The following KIR3DL1 variants were observed in gnomAD, a reference collection of about 807,000 sequenced individuals.
KIR3DL1 encodes the protein killer cell immunoglobulin like receptor, three Ig domains and long cytoplasmic tail 1.
A neutral mutation model predicts 40.3 loss-of-function variants in KIR3DL1; 50 were observed. The ratio of observed to expected loss-of-function variants is 1.24; its 90% CI spans 0.99 to 1.57. KIR3DL1 has a LOEUF of 1.57. Ranked by LOEUF, KIR3DL1 falls within the 40% of genes most tolerant of loss-of-function variation. KIR3DL1 has a pLI of 0.00. For missense variants in KIR3DL1, 661 were observed against 559.9 expected (o/e 1.18, Z -1.82); for synonymous variants, 257 against 207.2 (o/e 1.24, Z -2.07).
exon 5 of KIR3DL1, chr19:54,821,641 T>C (rs1049209): frequency 0.2 from 320,725 of 1,608,270 alleles, 37,400 homozygotes; most frequent in East Asian, 0.45. Flanking sequence ...CCTTGTCCTG[T>C]AGCTCCCGGA....
chr19:54,817,401 C>A, intron 1 of KIR3DL1, 133 bp from the exon 2 acceptor site: 1 of 768,640 alleles, frequency 1.3e-6, no homozygotes, highest in Non-Finnish European at 2.3e-6. Context: ...TTCCTGGGGG[C>A]AGGTAGGCAG....
chr19:54,824,694 C>G (rs114258704), intron 5 of KIR3DL1, among the ~76,000 whole-genome samples: 3,063 of 150,842 alleles, frequency 0.02, 43 homozygotes, highest in African/African-American at 0.07. Context: ...ACAAAAAAAG[C>G]CATTGGATGT....
exon 5 of KIR3DL1, chr19:54,821,794 C>G: frequency 3.1e-6 from 5 of 1,605,830 alleles, no homozygotes; most frequent in Non-Finnish European, 4.3e-6. Flanking sequence ...GATGCTTCGG[C>G]TCTTTCCGTC....
chr19:54,824,088 G>C (rs1251253519), intron 5 of KIR3DL1, among the ~76,000 whole-genome samples: 1 of 151,420 alleles, frequency 6.6e-6, no homozygotes, highest in Non-Finnish European at 1.5e-5. Flanking sequence ...TGCAGAAGTT[G>C]CTTGGTTTGA....
intron 4 of KIR3DL1, among the ~76,000 whole-genome samples, chr19:54,820,453 CG>C (rs2061577990): frequency 1.3e-5 from 2 of 151,508 alleles, no homozygotes; most frequent in Non-Finnish European, 2.9e-5. Context: ...CTACAGATGC[CG>C]TGTTTATTCT....
At chr19:54,827,610 A>C (rs3117643) in intron 6 of KIR3DL1, among the ~76,000 whole-genome samples, 1 of 149,102 alleles carries the variant, frequency 6.7e-6, no homozygotes, top group Non-Finnish European at 1.5e-5. Flanking sequence ...AGGAGACTCC[A>C]TCTCAAAAAA....
intron 5 of KIR3DL1, among the ~76,000 whole-genome samples, chr19:54,822,832 G>A (rs2061704469): frequency 7.1e-6 from 1 of 140,502 alleles, no homozygotes; most frequent in Admixed American, 7.1e-5. Context: ...TTCTATGGAT[G>A]AGTAGTCTCC....
At chr19:54,823,357 A>T (rs8109574) in intron 5 of KIR3DL1, among the ~76,000 whole-genome samples, 6,337 of 151,040 alleles carry the variant, frequency 0.042, 294 homozygotes, top group East Asian at 0.091. Context: ...TTTTTAAAGA[A>T]TTTCCATACT....
In KIR3DL1 at chr19:54,823,020, A is replaced by G. The variant is rs1178889031; in HGVS notation, c.949+1162A>G. Among the ~76,000 whole-genome samples, 3 of 144,066 alleles carry G rather than the reference A, an allele frequency of 2.1e-5. 1 individual carries two copies. The highest frequency in any genetic ancestry group is 7.7e-5 in the African/African-American group (3 of 38,984). The allele number at this position is 144,066 out of a possible 152,430, so 94.5% of individuals were successfully genotyped here. A position where few individuals can be genotyped will look rare whatever the true frequency, so the allele number is the denominator to read the frequency against. ...CCCAGTAGTGAAATTGCTGGACACTATGAAAGTTCTCTTTTTTTTTTTTTC... is the reference window on the plus strand; with the variant it reads ...CCCAGTAGTGAAATTGCTGGACACTGTGAAAGTTCTCTTTTTTTTTTTTTC... On this transcript the variant is annotated intron_variant, in intron 5 of 8. Coordinates refer to ENST00000391728, the Ensembl canonical transcript of KIR3DL1.
chr19:54,829,230 A>T (rs4806579), intron 6 of KIR3DL1, 131 bp from the exon 7 acceptor site: 7 of 708,510 alleles, frequency 9.9e-6, no homozygotes, highest in East Asian at 8.3e-5. Flanking sequence ...AGGAAGCTAG[A>T]TCTCCCGCCA....
In KIR3DL1 at chr19:54,823,297, AAAGTGCTG is replaced by A. The variant is rs1274744243; in HGVS notation, c.949+1444_949+1451del. Among the ~76,000 whole-genome samples the A allele has an allele frequency of 2.6e-5, 4 of 151,092 alleles. 1 individual carries two copies. The highest frequency in any genetic ancestry group is 4.4e-5 in the Non-Finnish European group (3 of 67,922). ...AGTGAGGTGCCTGCCTCGGTTTCCC[AAAGTGCTG>A]AAGTTACAGGCATAAGCCACTATGC... On this transcript the variant is annotated intron_variant, in intron 5 of 8. Coordinates refer to ENST00000391728, the Ensembl canonical transcript of KIR3DL1.
exon 3 of KIR3DL1, chr19:54,818,492 G>A: frequency 6.2e-7 from 1 of 1,610,922 alleles, no homozygotes; most frequent in Non-Finnish European, 8.5e-7. Context: ...TTCAACATGA[G>A]CCCTGTGACC....
chr19:54,817,262 G>A lies in KIR3DL1; in HGVS notation c.35-272G>A, dbSNP rs1386868115. Among the ~76,000 whole-genome samples, 273 of 146,140 alleles carry A rather than the reference G, an allele frequency of 1.9e-3. 4 individuals carry two copies. The highest frequency in any genetic ancestry group is 6.8e-3 in the African/African-American group (261 of 38,272). The stretch of plus-strand genomic sequence containing the variant: ...GGGCCTGGAGTGGACTTACCAGCCT[G>A]GAGAGGAGATATGGGCCTGGAGTGG... On this transcript the variant is annotated intron_variant, in intron 1 of 8. Transcript: ENST00000391728.
intron 3 of KIR3DL1, among the ~76,000 whole-genome samples, chr19:54,819,245 C>A (rs2061509872): frequency 6.9e-6 from 1 of 145,278 alleles, no homozygotes; most frequent in South Asian, 2.3e-4. Flanking sequence ...ACACAGGAAC[C>A]CAGGTCAAGG....
chr19:54,819,972 G>T, exon 4 of KIR3DL1: 1 of 1,611,482 alleles, frequency 6.2e-7, no homozygotes, highest in Non-Finnish European at 8.5e-7. Flanking sequence ...CCCCCTATCA[G>T]TTGTCAGCTC....
At chr19:54,819,811 C>T (rs1257537751) in exon 4 of KIR3DL1, 31 of 1,611,870 alleles carry the variant, frequency 1.9e-5, no homozygotes, top group Non-Finnish European at 2.5e-5. Flanking sequence ...CATGTTTGAG[C>T]ACTTCTTTCT....
At chr19:54,820,179 G>A (rs1009098430) in intron 4 of KIR3DL1, among the ~76,000 whole-genome samples, 167 bp downstream of exon 4, 2 of 151,312 alleles carry the variant, frequency 1.3e-5, no homozygotes, top group Non-Finnish European at 2.9e-5. Flanking sequence ...GGAGACATAA[G>A]TACAGAACAG....
intron 6 of KIR3DL1, among the ~76,000 whole-genome samples, chr19:54,825,586 T>C (rs1479070651): frequency 6.7e-6 from 1 of 150,180 alleles, no homozygotes; most frequent in Non-Finnish European, 1.5e-5. Context: ...CACGGCCCCA[T>C]GCTCAGGCTG....
At chr19:54,827,520 C>T (rs2061966625) in intron 6 of KIR3DL1, among the ~76,000 whole-genome samples, 1 of 150,774 alleles carries the variant, frequency 6.6e-6, no homozygotes, top group Admixed American at 6.6e-5. Flanking sequence ...GAGGATGAAG[C>T]AGGAGAATGA....
Sources: gnomAD v4.1 joint callset for allele counts (sites outside exome capture counted in the v4.1 genomes callset) on GRCh38, gnomAD v4.1.1 for gene constraint, MANE v1.5 for transcripts, NCBI Gene and HGNC (gene_info 2026-07-23, HGNC 2026-07-21) for gene names.